The following ABCA1 variants were observed in gnomAD, a reference collection of about 807,000 sequenced individuals.
The protein encoded by ABCA1 is ATP binding cassette subfamily A member 1, also known as phospholipid-transporting ATPase ABCA1.
A neutral mutation model predicts 262.5 loss-of-function variants in ABCA1; 133 were observed. The observed-to-expected ratio is 0.51, with a 90% confidence interval of 0.44 to 0.59. ABCA1 has a LOEUF of 0.59. ABCA1 is among the 20% of genes least tolerant of loss of function. ABCA1 has a pLI of 0.00. For missense variants in ABCA1, 2,452 were observed against 2,777.5 expected (o/e 0.88, Z 2.63); for synonymous variants, 1,022 against 1,043.5 (o/e 0.98, Z 0.40).
At position 104,827,621 on chromosome 9, in the gene ABCA1, C is replaced by T. The variant is rs534027113; in HGVS notation, c.2116-452G>A. ...ACCATGGATTCTGCATTCCCACAAT[C>T]ATCCAAACTCTTGTGGATATTTTGA... On this transcript the variant is annotated intron_variant, in intron 15 of 49. Coordinates refer to ENST00000374736, the MANE Select transcript of ABCA1 (RefSeq NM_005502.4). Among the ~76,000 whole-genome samples the T allele has an allele frequency of 4.1e-4, 62 of 152,312 alleles. No individual in the cohort carries two copies. In the South Asian group the frequency reaches 1.0e-2, roughly 24 times the overall value.
intron 11 of ABCA1, among the ~76,000 whole-genome samples, chr9:104,836,615 A>T (rs1419746762): frequency 6.6e-6 from 1 of 152,030 alleles, no homozygotes; most frequent in Admixed American, 6.6e-5. Flanking sequence ...TTGCTCCCAC[A>T]CTTCTTTCCA....
chr9:104,814,142 G>C lies in ABCA1; in HGVS notation c.3877C>G (p.Pro1293Ala), dbSNP rs770771067. 1.9e-6 allele frequency: 3 copies of C among 1,614,222 alleles called. No homozygotes were observed. Among genetic ancestry groups the C allele is most frequent in the Non-Finnish European group, 1.7e-6 (2 of 1,180,034 alleles). ...RPFTEDDAAD[P>A]NDSDIDPESR... is the part of the protein sequence containing the mutation. ...CCTGGGTCTATGTCAGAATCATTTG[G>C]ATCAGCAGCATCATCTTCAGTGAAC... Residue 1293 changes from proline to alanine, a missense_variant, in exon 27 of 50, where the codon CCA becomes GCA. Physicochemically the swap from Pro to Ala is conservative, Grantham distance 27. Around this residue, in one of 4 missense-constraint regions of ABCA1, gnomAD observed 665 missense variants for 727.3 expected, o/e 0.91. Transcript: ENST00000374736.
chr9:104,853,564 T>C (rs931493260), intron 7 of ABCA1, among the ~76,000 whole-genome samples: 4 of 152,238 alleles, frequency 2.6e-5, no homozygotes, highest in Non-Finnish European at 5.9e-5. Context: ...ACAACTGCCT[T>C]GTTGGTGGTC....
intron 3 of ABCA1, among the ~76,000 whole-genome samples, chr9:104,887,455 A>C (rs1441577170): frequency 2.0e-5 from 3 of 151,554 alleles, no homozygotes; most frequent in Non-Finnish European, 2.9e-5. Context: ...GGATACAAAC[A>C]AACCCCAACT....
intron 24 of ABCA1, among the ~76,000 whole-genome samples, chr9:104,816,682 T>C (rs112664789): frequency 2.2e-4 from 34 of 151,976 alleles, no homozygotes; most frequent in African/African-American, 6.5e-4. Context: ...TAACTGAGGC[T>C]CAAAGTCTGG....
intron 30 of ABCA1, among the ~76,000 whole-genome samples, chr9:104,808,844 G>A (rs1447915062): frequency 6.6e-6 from 1 of 152,140 alleles, no homozygotes; most frequent in Non-Finnish European, 1.5e-5. Context: ...CCAGCCTTGA[G>A]CACGGCCTCA....
chr9:104,809,853 T>A (rs7863889), intron 29 of ABCA1, among the ~76,000 whole-genome samples: 4,051 of 151,992 alleles, frequency 0.027, 166 homozygotes, highest in African/African-American at 0.09. Context: ...ATTTATATAT[T>A]TTTTTTAATT....
chr9:104,856,645 G>C (rs2119089563), intron 7 of ABCA1, among the ~76,000 whole-genome samples: 1 of 152,314 alleles, frequency 6.6e-6, no homozygotes, highest in South Asian at 2.1e-4. Flanking sequence ...TGTGAGTGGA[G>C]GGATTTTACC....
intron 31 of ABCA1, 147 bp from the exon 32 acceptor site, chr9:104,804,867 G>A (rs1324971670): frequency 7.9e-5 from 59 of 743,706 alleles, no homozygotes; most frequent in Non-Finnish European, 3.6e-5. Flanking sequence ...AACCAGCACT[G>A]AGACTTGGTT....
intron 1 of ABCA1, among the ~76,000 whole-genome samples, chr9:104,920,177 A>C (rs960636996): frequency 5.1e-4 from 77 of 152,356 alleles, no homozygotes; most frequent in African/African-American, 1.8e-3. Flanking sequence ...ATTTGTGGGC[A>C]TTCATGAACA....
chr9:104,789,737 T>G (rs948388205), intron 44 of ABCA1, among the ~76,000 whole-genome samples: 1 of 151,884 alleles, frequency 6.6e-6, no homozygotes. Flanking sequence ...AAAATGTATT[T>G]CCCACAACGG....
intron 20 of ABCA1, among the ~76,000 whole-genome samples, chr9:104,820,478 C>T (rs1165930748): frequency 6.6e-6 from 1 of 152,090 alleles, no homozygotes; most frequent in Non-Finnish European, 1.5e-5. Context: ...GCGGGGAGGA[C>T]CCTGCACATG....
At chr9:104,899,587 G>C (rs995282243) in intron 2 of ABCA1, among the ~76,000 whole-genome samples, 1 of 151,950 alleles carries the variant, frequency 6.6e-6, no homozygotes, top group Non-Finnish European at 1.5e-5. Flanking sequence ...CCAGCTACCC[G>C]GGAGGCTGAG....
chr9:104,850,863 G>A (rs1042730499), intron 7 of ABCA1, among the ~76,000 whole-genome samples: 5 of 152,184 alleles, frequency 3.3e-5, no homozygotes, highest in African/African-American at 1.2e-4. Context: ...CAGGAGACAA[G>A]TGACTTTCTT....
chr9:104,810,817 T>C lies in ABCA1; in HGVS notation c.4158A>G (p.Glu1386=), dbSNP rs886063306. The change falls in exon 29 of 50, where the codon GAA becomes GAG. Residue 1386 remains glutamate (E), a synonymous_variant. Coordinates refer to ENST00000374736, the MANE Select transcript of ABCA1 (RefSeq NM_005502.4). ...SLELQPWMYN[E]QYTFVSNDAP... is the part of the protein sequence containing the mutation. ...AAACATACCTGACAAATGTGTACTG[T>C]TCGTTGTACATCCAGGGCTGAAGTT... is the stretch of plus-strand genomic sequence containing the variant. 4.3e-6 allele frequency: 7 copies of C among 1,614,216 alleles called. No individual in the cohort carries two copies. In the Middle Eastern group the frequency reaches 1.2e-3, roughly 266 times the overall value.
chr9:104,813,413 CTTT>C (rs1049985314), intron 27 of ABCA1, among the ~76,000 whole-genome samples: 3 of 151,518 alleles, frequency 2.0e-5, no homozygotes, highest in Admixed American at 2.0e-4. Context: ...ATATCTAATT[CTTT>C]TTTTTTCTTT....
Position 104,832,751 on chromosome 9 carries a change from G to A in ABCA1, c.1332C>T (p.Asp444=), listed in dbSNP as rs141524140. 1 of 1,614,194 alleles carries A rather than the reference G, an allele frequency of 6.2e-7. No individual in the cohort carries two copies. The highest frequency in any genetic ancestry group is 8.5e-7 in the Non-Finnish European group (1 of 1,180,042). Residue 444 remains aspartate, a synonymous_variant, in exon 12 of 50, where the codon GAC becomes GAT. Coordinates refer to ENST00000374736, the MANE Select transcript of ABCA1 (RefSeq NM_005502.4). ...ACTGCTGTTCCCAAAAGTGGTCATT[G>A]TCCCTGCTGTCCAACAGCATCTGCC... ...DLVRMLLDSR[D]NDHFWEQQLD... is the part of the protein sequence containing the mutation.
intron 1 of ABCA1, among the ~76,000 whole-genome samples, chr9:104,924,235 CTTT>C (rs1439911562): frequency 1.3e-5 from 2 of 152,090 alleles, no homozygotes; most frequent in Admixed American, 6.5e-5. Flanking sequence ...TCAGAATGAT[CTTT>C]TAACATTTGA....
At chr9:104,925,478 C>T (rs960934137) in intron 1 of ABCA1, among the ~76,000 whole-genome samples, 1 of 152,020 alleles carries the variant, frequency 6.6e-6, no homozygotes, top group Non-Finnish European at 1.5e-5. Flanking sequence ...CAACATATCA[C>T]ACGTGTCCAG....
Sources: allele counts gnomAD v4.1 joint callset (sites outside exome capture counted in the v4.1 genomes callset), GRCh38; gene constraint gnomAD v4.1.1; regional missense constraint gnomAD v4.1.1; transcripts MANE v1.5; gene names NCBI Gene and HGNC (gene_info 2026-07-23, HGNC 2026-07-21).